The following FBLN7 variants were observed in gnomAD, a reference collection of about 807,000 sequenced individuals.
The protein encoded by FBLN7 is fibulin-7.
FBLN7 carries 31 observed loss-of-function variants against 44.0 expected under a neutral mutation model. That is an observed-to-expected ratio of 0.70 (90% CI 0.53 to 0.95). FBLN7 has a LOEUF of 0.95. Among genes scored for constraint, FBLN7 ranks in the 40% least tolerant of loss-of-function variants. The pLI, the probability that FBLN7 is intolerant of heterozygous loss-of-function variation, is 0.00. For missense variants in FBLN7, 573 were observed against 618.5 expected, an observed-to-expected ratio of 0.93 and a Z score of 0.78; for synonymous variants, 262 against 253.4, an observed-to-expected ratio of 1.03 and a Z score of -0.32.
chr2:112,215,480 A>G, the FBLN7 span: 7 of 152,228 alleles, frequency 4.6e-5, no homozygotes, highest in African/African-American at 9.6e-5. Context: ...GCAGGATTAG[A>G]TAACAATGAA....
At chr2:112,185,986 A>C (rs1331248889) in intron 7 of FBLN7, among the ~76,000 whole-genome samples, 2 of 152,128 alleles carry the variant, frequency 1.3e-5, no homozygotes, top group Non-Finnish European at 2.9e-5. Flanking sequence ...CGTTGTCTTT[A>C]AAATGAAGTA....
At chr2:112,168,294 T>C (rs987154914) in intron 3 of FBLN7, among the ~76,000 whole-genome samples, 2 of 152,212 alleles carry the variant, frequency 1.3e-5, no homozygotes, top group Admixed American at 6.5e-5. Flanking sequence ...CAGCATGTGC[T>C]ATCAAAAACT....
At chr2:112,232,170 G>C in the FBLN7 span, among the ~76,000 whole-genome samples, 2,495 of 152,092 alleles carry the variant, frequency 0.016, 71 homozygotes, top group African/African-American at 0.056. Flanking sequence ...AAATTAGCTG[G>C]GCATGGTGGC....
the FBLN7 span, chr2:112,231,920 G>T: frequency 6.3e-7 from 1 of 1,583,098 alleles, no homozygotes; most frequent in South Asian, 1.2e-5. Context: ...TTTTGTTCCT[G>T]TATGGTAAAA....
the FBLN7 span, among the ~76,000 whole-genome samples, chr2:112,226,211 C>G: frequency 6.6e-6 from 1 of 151,280 alleles, no homozygotes; most frequent in Non-Finnish European, 1.5e-5. Context: ...ATACAAATTA[C>G]CAAAGCTGTT....
chr2:112,240,793 T>G, the FBLN7 span, among the ~76,000 whole-genome samples: 1 of 152,228 alleles, frequency 6.6e-6, no homozygotes, highest in Non-Finnish European at 1.5e-5. Flanking sequence ...TATAAACTCA[T>G]TGCTTCAGTT....
At chr2:112,160,113 C>G (rs1018232595) in intron 2 of FBLN7, among the ~76,000 whole-genome samples, 5 of 152,170 alleles carry the variant, frequency 3.3e-5, no homozygotes, top group African/African-American at 9.7e-5. Flanking sequence ...GCCTCAGCCT[C>G]CCGCGTAGCT....
chr2:112,138,746 G>T lies in FBLN7; in HGVS notation c.75+16G>T, dbSNP rs764199354. The T allele has an allele frequency of 2.3e-5, 37 of 1,586,720 alleles. 1 individual carries two copies. The Admixed American group carries it at 6.2e-4, about 27-fold the overall frequency. The stretch of plus-strand genomic sequence containing the variant: ...GGCTTCCCAGGTCAGTGTCCCTCCC[G>T]CCTCTCTCCAGGCCAGTGTCCCTCC... On this transcript the variant is annotated intron_variant, in intron 1 of 7. Coordinates refer to ENST00000331203, the MANE Select transcript of FBLN7 (RefSeq NM_153214.3).
At chr2:112,216,683 C>CAAAAAAAAAAAAAAAAAAAAAAAAAAA in the FBLN7 span, among the ~76,000 whole-genome samples, 1 of 121,032 alleles carries the variant, frequency 8.3e-6, no homozygotes, top group African/African-American at 3.0e-5. Context: ...AGAACTGAAG[C>CAAAAAAAAAAAAAAAAAAAAAAAAAAA]AAAAAAAAAA....
chr2:112,181,590 G>A (rs1390256104), intron 4 of FBLN7, 149 bp from the exon 5 acceptor site: 1 of 1,038,616 alleles, frequency 9.6e-7, no homozygotes, highest in African/African-American at 1.7e-5. Flanking sequence ...GTCTGTGGTT[G>A]ATTACTTGTC....
chr2:112,216,704 T>C, the FBLN7 span, among the ~76,000 whole-genome samples: 2 of 125,146 alleles, frequency 1.6e-5, no homozygotes, highest in Admixed American at 1.5e-4. Flanking sequence ...AAAATACAAA[T>C]AATGAGACAA....
At chr2:112,144,898 C>G (rs1053497569) in intron 1 of FBLN7, among the ~76,000 whole-genome samples, 1 of 152,204 alleles carries the variant, frequency 6.6e-6, no homozygotes, top group Non-Finnish European at 1.5e-5. Context: ...ATTGTGAATA[C>G]AGCTGGTATA....
At chr2:112,232,506 C>A in the FBLN7 span, among the ~76,000 whole-genome samples, 1 of 151,932 alleles carries the variant, frequency 6.6e-6, no homozygotes, top group African/African-American at 2.4e-5. Context: ...AGAGTACAGG[C>A]ATGTTTCATA....
At chr2:112,160,796 ACACG>A (rs74526201) in intron 2 of FBLN7, among the ~76,000 whole-genome samples, 10,161 of 142,306 alleles carry the variant, frequency 0.071, 347 homozygotes, top group Middle Eastern at 0.16. Context: ...GCACACGCAC[ACACG>A]CACGCACACA....
chr2:112,159,301 G>A (rs978718732), intron 1 of FBLN7, among the ~76,000 whole-genome samples: 1 of 151,630 alleles, frequency 6.6e-6, no homozygotes, highest in Admixed American at 6.6e-5. Context: ...TTTTAAAAAT[G>A]TCTAAGAGTG....
chr2:112,149,343 T>TC (rs1355909585), intron 1 of FBLN7, among the ~76,000 whole-genome samples: 1 of 151,748 alleles, frequency 6.6e-6, no homozygotes, highest in Non-Finnish European at 1.5e-5. Flanking sequence ...TAGCCTGGAG[T>TC]CTTTCAATCA....
the FBLN7 span, among the ~76,000 whole-genome samples, chr2:112,235,765 A>G: frequency 6.6e-6 from 1 of 151,996 alleles, no homozygotes; most frequent in South Asian, 2.1e-4. Context: ...GAGTGGGGAG[A>G]TTCAGTAAGG....
the FBLN7 span, chr2:112,238,458 T>C: frequency 6.2e-7 from 1 of 1,613,420 alleles, no homozygotes; most frequent in Non-Finnish European, 8.5e-7. Context: ...ATTATCACTA[T>C]ATACATCATA....
At chr2:112,203,045 C>CAAACAAAA in the FBLN7 span, among the ~76,000 whole-genome samples, 7 of 152,126 alleles carry the variant, frequency 4.6e-5, no homozygotes, top group East Asian at 1.4e-3. Flanking sequence ...CAAAAACAAA[C>CAAACAAAA]AAACAAAAAA....
Sources: gnomAD v4.1 joint callset for allele counts (sites outside exome capture counted in the v4.1 genomes callset) on GRCh38, gnomAD v4.1.1 for gene constraint, MANE v1.5 for transcripts, NCBI Gene and HGNC (gene_info 2026-07-23, HGNC 2026-07-21) for gene names.